VDAC1: variants seen among roughly 807,000 people sequenced by gnomAD.
The protein encoded by VDAC1 is voltage dependent anion channel 1, also known as non-selective voltage-gated ion channel VDAC1.
Under a neutral mutation model 34.7 loss-of-function variants are expected in VDAC1, and 10 were observed. The ratio of observed to expected loss-of-function variants is 0.29; its 90% CI spans 0.18 to 0.49. VDAC1 has a LOEUF of 0.49. VDAC1 is among the 20% of genes least tolerant of loss of function. VDAC1 has a pLI of 0.99. For missense variants in VDAC1, 230 were observed against 347.9 expected (o/e 0.66, Z 2.69); for synonymous variants, 130 against 136.0 (o/e 0.96, Z 0.30).
upstream of VDAC1, chr5:134,005,151 C>T (rs1374408528): frequency 1.3e-5 from 2 of 152,190 alleles, no homozygotes; most frequent in African/African-American, 4.8e-5. Flanking sequence ...GCGCGGGGCT[C>T]CTGGGCCTCC....
intron 5 of VDAC1, among the ~76,000 whole-genome samples, chr5:133,985,426 G>C (rs563407882): frequency 6.6e-6 from 1 of 152,120 alleles, no homozygotes; most frequent in African/African-American, 2.4e-5. Flanking sequence ...CTCCAAGGAG[G>C]GCAGATCACT....
the VDAC1 span, among the ~76,000 whole-genome samples, chr5:134,066,231 T>C: frequency 2.0e-5 from 3 of 152,178 alleles, no homozygotes; most frequent in Non-Finnish European, 4.4e-5. Flanking sequence ...CTCAAACTCC[T>C]GACCTTGCGA....
chr5:133,989,990 C>A (rs928612906), intron 5 of VDAC1, among the ~76,000 whole-genome samples: 1 of 152,186 alleles, frequency 6.6e-6, no homozygotes, highest in Non-Finnish European at 1.5e-5. Context: ...AAATTCAGTA[C>A]ATGCCCTTGA....
At chr5:134,087,726 C>T in the VDAC1 span, among the ~76,000 whole-genome samples, 2 of 151,000 alleles carry the variant, frequency 1.3e-5, no homozygotes, top group East Asian at 2.0e-4. Context: ...TGTGGTGGCA[C>T]GTGCCTGTAA....
chr5:134,067,428 T>TA, the VDAC1 span, among the ~76,000 whole-genome samples: 9,518 of 96,702 alleles, frequency 0.098, 619 homozygotes, highest in African/African-American at 0.18. Context: ...TTACATATTC[T>TA]AAAAAAAAAA....
At chr5:133,979,646 T>C (rs947650345) in intron 6 of VDAC1, among the ~76,000 whole-genome samples, 3 of 152,130 alleles carry the variant, frequency 2.0e-5, no homozygotes, top group African/African-American at 7.2e-5. Flanking sequence ...ACCAGGCTGG[T>C]CTTGAACTTC....
the VDAC1 span, among the ~76,000 whole-genome samples, chr5:134,106,753 G>A: frequency 6.6e-6 from 1 of 152,142 alleles, no homozygotes; most frequent in Non-Finnish European, 1.5e-5. Context: ...GTGACAAAGA[G>A]GGTAAGTGAC....
At chr5:133,974,197 G>A (rs1752395497) in intron 7 of VDAC1, among the ~76,000 whole-genome samples, 2 of 152,104 alleles carry the variant, frequency 1.3e-5, no homozygotes, top group Non-Finnish European at 2.9e-5. Flanking sequence ...TTCTAGTTTA[G>A]GAGACTTAAA....
In VDAC1 at chr5:133,980,731, A is replaced by T. The variant is rs749515903; in HGVS notation, c.549T>A (p.Asn183Lys). The change falls in exon 6 of 9, where the codon AAT becomes AAA. Residue 183 changes from asparagine to lysine, a missense_variant and splice_region_variant. By Grantham distance (94) the Asn-to-Lys change is moderately conservative. Coordinates refer to ENST00000265333, the MANE Select transcript of VDAC1 (RefSeq NM_003374.3). ...CTGCTGCCCCCATGTACACTTACACATTAGTGTGAAGCTGGAATTCATCAG... is the reference window on the plus strand; with the variant it reads ...CTGCTGCCCCCATGTACACTTACACTTTAGTGTGAAGCTGGAATTCATCAG... ...YKTDEFQLHTNVNDGTEFGGS... is the reference protein window; with the variant it reads ...YKTDEFQLHTKVNDGTEFGGS... The T allele has an allele frequency of 6.4e-7, 1 of 1,571,612 alleles. No individual in the cohort carries two copies. The highest frequency in any genetic ancestry group is 2.3e-5 in the East Asian group (1 of 43,112).
the VDAC1 span, among the ~76,000 whole-genome samples, chr5:134,020,693 T>C: frequency 6.6e-6 from 1 of 150,756 alleles, no homozygotes; most frequent in Non-Finnish European, 1.5e-5. Context: ...TGTTTGTTTT[T>C]TGAGGTGGAG....
At chr5:133,990,613 G>T (rs542865765) in intron 5 of VDAC1, among the ~76,000 whole-genome samples, 2 of 152,224 alleles carry the variant, frequency 1.3e-5, no homozygotes, top group Non-Finnish European at 1.5e-5. Flanking sequence ...GTGGCACTTA[G>T]AAATCGTTTG....
the VDAC1 span, among the ~76,000 whole-genome samples, chr5:134,029,945 T>C: frequency 6.6e-6 from 1 of 152,200 alleles, no homozygotes; most frequent in Admixed American, 6.5e-5. Flanking sequence ...TGCGCTACAG[T>C]AATGTAAAAT....
the VDAC1 span, among the ~76,000 whole-genome samples, chr5:134,086,046 T>A: frequency 6.6e-6 from 1 of 151,906 alleles, no homozygotes; most frequent in East Asian, 1.9e-4. Context: ...TACAAAAAAA[T>A]GTAGCCGGGT....
intron 2 of VDAC1, 86 bp from the exon 3 acceptor site, chr5:133,992,441 T>G (rs778904560): frequency 1.3e-5 from 14 of 1,089,296 alleles, no homozygotes; most frequent in Non-Finnish European, 1.8e-5. Flanking sequence ...TCAGGATGCT[T>G]TTTTAAAAAG....
At chr5:134,004,824 C>A (rs1056664735) in intron 1 of VDAC1, 71 bp downstream of exon 1, 1 of 150,700 alleles carries the variant, frequency 6.6e-6, no homozygotes, top group African/African-American at 2.4e-5. Context: ...GCGCTCCGCC[C>A]CCAGGCCCCG....
At chr5:134,034,813 A>AGG in the VDAC1 span, among the ~76,000 whole-genome samples, 1 of 152,112 alleles carries the variant, frequency 6.6e-6, no homozygotes, top group South Asian at 2.1e-4. Flanking sequence ...GCTGCGAGTA[A>AGG]GGAAAGGAGC....
upstream of VDAC1, among the ~76,000 whole-genome samples, chr5:134,006,748 CAAA>C (rs36125439): frequency 2.6e-4 from 21 of 80,196 alleles, no homozygotes; most frequent in Non-Finnish European, 3.8e-4. Flanking sequence ...CCCCCCCCCC[CAAA>C]AAAAAAAAAC....
chr5:133,972,980 A>G, intron 8 of VDAC1, 118 bp from the exon 9 acceptor site: 1 of 761,318 alleles, frequency 1.3e-6, no homozygotes, highest in Non-Finnish European at 2.2e-6. Context: ...TCCAAACTAC[A>G]TGGCCCTTCA....
chr5:134,032,124 C>CAAAAAAAAAAAAAAAAAAAAAA, the VDAC1 span, among the ~76,000 whole-genome samples: 18 of 36,128 alleles, frequency 5.0e-4, no homozygotes, highest in South Asian at 5.8e-3. Flanking sequence ...CTCTGCCTCA[C>CAAAAAAAAAAAAAAAAAAAAAA]AAAAAAAAAA....
Sources: allele counts gnomAD v4.1 joint callset (sites outside exome capture counted in the v4.1 genomes callset), GRCh38; gene constraint gnomAD v4.1.1; transcripts MANE v1.5; gene names NCBI Gene and HGNC (gene_info 2026-07-23, HGNC 2026-07-21).